Variants in TMEM232 observed in about 807,000 individuals in gnomAD.
TMEM232 encodes transmembrane protein 232.
In TMEM232, 80 loss-of-function variants were observed where a neutral mutation model predicts 78.8. That is an observed-to-expected ratio of 1.01 (90% CI 0.85 to 1.22). TMEM232 has a LOEUF of 1.22. TMEM232 is among the 50% of genes most tolerant of loss of function. TMEM232 has a pLI of 0.00. For missense variants in TMEM232, 881 were observed against 742.2 expected (o/e 1.19, Z -2.17); for synonymous variants, 297 against 254.3 (o/e 1.17, Z -1.60).
chr5:110,597,453 G>A (rs1215102332), intron 10 of TMEM232, among the ~76,000 whole-genome samples: 1 of 152,108 alleles, frequency 6.6e-6, no homozygotes, highest in Non-Finnish European at 1.5e-5. Context: ...GTAATTTATA[G>A]ATTCAATGCC....
chr5:110,683,719 G>A (rs1310684569), intron 1 of TMEM232, among the ~76,000 whole-genome samples: 1 of 151,630 alleles, frequency 6.6e-6, no homozygotes, highest in Non-Finnish European at 1.5e-5. Flanking sequence ...AGCCACTCAA[G>A]GTTATAGAAT....
chr5:110,579,322 A>G (rs1246850630), intron 10 of TMEM232, among the ~76,000 whole-genome samples: 1 of 151,710 alleles, frequency 6.6e-6, no homozygotes, highest in Non-Finnish European at 1.5e-5. Context: ...CATTATAACT[A>G]GAATTGCCTT....
intron 2 of TMEM232, among the ~76,000 whole-genome samples, chr5:110,649,419 T>C (rs1047326637): frequency 6.6e-5 from 10 of 152,144 alleles, no homozygotes; most frequent in African/African-American, 2.4e-4. Flanking sequence ...TCATATAGTC[T>C]TCTGTATGTG....
chr5:110,655,126 A>C (rs1286066797), intron 2 of TMEM232, among the ~76,000 whole-genome samples: 7 of 152,110 alleles, frequency 4.6e-5, no homozygotes, highest in African/African-American at 9.7e-5. Flanking sequence ...CAACCTACAA[A>C]ATGGGAGAAA....
chr5:110,437,644 CAATT>C (rs376175290), intron 12 of TMEM232, among the ~76,000 whole-genome samples: 147 of 151,936 alleles, frequency 9.7e-4, no homozygotes, highest in African/African-American at 3.5e-3. Flanking sequence ...ACACAGTTAA[CAATT>C]AAAAAGAAAA....
chr5:110,424,572 A>G (rs1757038891), intron 13 of TMEM232, among the ~76,000 whole-genome samples: 1 of 152,182 alleles, frequency 6.6e-6, no homozygotes, highest in South Asian at 2.1e-4. Flanking sequence ...GTCACAAGAA[A>G]TCAGTACTAA....
intron 1 of TMEM232, chr5:110,725,455 C>T (rs528927424): frequency 6.6e-6 from 1 of 152,164 alleles, no homozygotes; most frequent in Non-Finnish European, 1.5e-5. Context: ...AACTTCAAGA[C>T]AGGAACATTT....
chr5:110,633,536 T>C (rs1785421218), intron 5 of TMEM232, among the ~76,000 whole-genome samples: 1 of 151,624 alleles, frequency 6.6e-6, no homozygotes, highest in Admixed American at 6.6e-5. Context: ...ATCATGGGGG[T>C]GGTTTCCCCA....
intron 12 of TMEM232, among the ~76,000 whole-genome samples, chr5:110,512,345 G>A (rs1219283918): frequency 6.6e-6 from 1 of 152,080 alleles, no homozygotes; most frequent in East Asian, 1.9e-4. Flanking sequence ...ACTTTTGGTG[G>A]ACAACCAACA....
intron 12 of TMEM232, among the ~76,000 whole-genome samples, chr5:110,518,933 G>A (rs1278375101): frequency 6.6e-6 from 1 of 150,878 alleles, no homozygotes; most frequent in African/African-American, 2.4e-5. Flanking sequence ...AGAAGCTGGT[G>A]CATTGAAAAA....
upstream of TMEM232, chr5:110,738,269 T>G (rs1049431395): frequency 1.6e-6 from 2 of 1,280,964 alleles, no homozygotes; most frequent in Non-Finnish European, 2.0e-6. Flanking sequence ...CGCTCTACAG[T>G]AGTCCTCTCA....
At chr5:110,436,198 C>G (rs931782405) in intron 12 of TMEM232, among the ~76,000 whole-genome samples, 2 of 151,958 alleles carry the variant, frequency 1.3e-5, no homozygotes, top group Non-Finnish European at 2.9e-5. Flanking sequence ...TTGCATTTCT[C>G]GGATGATTAA....
intron 12 of TMEM232, among the ~76,000 whole-genome samples, chr5:110,516,220 C>T (rs549439984): frequency 1.3e-5 from 2 of 152,186 alleles, no homozygotes; most frequent in East Asian, 3.9e-4. Flanking sequence ...GCCTGGGCAA[C>T]AGAGGAAGAC....
At chr5:110,636,857 G>A (rs1039304795) in intron 5 of TMEM232, among the ~76,000 whole-genome samples, 4 of 152,048 alleles carry the variant, frequency 2.6e-5, no homozygotes, top group African/African-American at 9.6e-5. Context: ...GCTGCTATCA[G>A]AACTGGTACA....
intron 8 of TMEM232, among the ~76,000 whole-genome samples, chr5:110,608,368 T>G (rs979441942): frequency 4.6e-5 from 7 of 151,958 alleles, no homozygotes; most frequent in African/African-American, 1.7e-4. Flanking sequence ...ATAGAGTGAC[T>G]GGAAGGAGAA....
chr5:110,698,879 T>C (rs1000172171), intron 1 of TMEM232, among the ~76,000 whole-genome samples: 5 of 152,076 alleles, frequency 3.3e-5, no homozygotes, highest in Non-Finnish European at 7.4e-5. Flanking sequence ...TACCAACCCT[T>C]TTATATTCCT....
At chr5:110,549,373 G>C (rs1048240989) in intron 11 of TMEM232, among the ~76,000 whole-genome samples, 4 of 151,934 alleles carry the variant, frequency 2.6e-5, no homozygotes, top group Non-Finnish European at 5.9e-5. Flanking sequence ...CCAGTGTTTT[G>C]AGGGGCTGAG....
chr5:110,396,225 C>T (rs1238834189), intron 3 of TMEM232, among the ~76,000 whole-genome samples: 1 of 152,108 alleles, frequency 6.6e-6, no homozygotes, highest in Non-Finnish European at 1.5e-5. Context: ...AACTCCCTCA[C>T]TATTTTGAGA....
chr5:110,388,575 T>C (rs1755064404), intron 4 of TMEM232, among the ~76,000 whole-genome samples: 1 of 152,206 alleles, frequency 6.6e-6, no homozygotes, highest in Non-Finnish European at 1.5e-5. Context: ...TTTTAACTCC[T>C]ATATCACTTG....
Sources: allele counts gnomAD v4.1 joint callset (sites outside exome capture counted in the v4.1 genomes callset), GRCh38; gene constraint gnomAD v4.1.1; transcripts MANE v1.5; gene names NCBI Gene and HGNC (gene_info 2026-07-23, HGNC 2026-07-21).